The following ATP5F1A variants were observed in gnomAD, a reference collection of about 807,000 sequenced individuals.
ATP5F1A encodes the protein ATP synthase F(1) complex subunit alpha, mitochondrial.
ATP5F1A carries 24 observed loss-of-function variants against 57.4 expected under a neutral mutation model. That is an observed-to-expected ratio of 0.42 (90% CI 0.30 to 0.59). The LOEUF (loss-of-function observed/expected upper bound fraction) is 0.59, where lower values mean the gene tolerates loss of function less well. Among genes scored for constraint, ATP5F1A ranks in the 20% least tolerant of loss-of-function variants. The pLI, the probability that ATP5F1A is intolerant of heterozygous loss-of-function variation, is 0.19. For synonymous variants in ATP5F1A, 251 were observed against 255.5 expected (o/e 0.98, Z 0.17); for missense variants, 494 against 707.9 (o/e 0.70, Z 3.43).
At chr18:46,103,306 A>AT (rs1167438098) in intron 1 of ATP5F1A, among the ~76,000 whole-genome samples, 1 of 145,676 alleles carries the variant, frequency 6.9e-6, no homozygotes, top group Non-Finnish European at 1.5e-5. Context: ...GAAACACTCC[A>AT]TCTCAAAAAG....
intron 10 of ATP5F1A, chr18:46,085,211 CA>C (rs1191994419): frequency 6.8e-6 from 1 of 147,920 alleles, no homozygotes; most frequent in Non-Finnish European, 1.5e-5. Flanking sequence ...CACTTAAGGT[CA>C]GGGGTTCAAG....
chr18:46,096,809 C>T (rs1910992148), intron 1 of ATP5F1A, among the ~76,000 whole-genome samples: 2 of 151,118 alleles, frequency 1.3e-5, no homozygotes. Context: ...TGGTGAAACC[C>T]CGTCTCTACG....
intron 2 of ATP5F1A, 77 bp from the exon 3 acceptor site, chr18:46,091,928 T>G (rs1910584148): frequency 2.1e-6 from 3 of 1,422,620 alleles, no homozygotes; most frequent in Non-Finnish European, 2.8e-6. Flanking sequence ...ATCCCAGCAC[T>G]TTTGGAGGCT....
chr18:46,092,660 AT>A (rs1335370188), intron 2 of ATP5F1A, among the ~76,000 whole-genome samples: 1 of 151,338 alleles, frequency 6.6e-6, no homozygotes, highest in Non-Finnish European at 1.5e-5. Flanking sequence ...ACGAGATTCT[AT>A]TTTTAAAAGC....
chr18:46,087,282 A>G (rs544659932), intron 7 of ATP5F1A, 50 bp from the exon 8 acceptor site: 2 of 1,611,580 alleles, frequency 1.2e-6, no homozygotes, highest in African/African-American at 1.3e-5. Flanking sequence ...TAGAAGTTGC[A>G]TATGTGAACT....
chr18:46,089,704 C>A lies in ATP5F1A; in HGVS notation c.512G>T (p.Arg171Leu), dbSNP rs577318758. The A allele has an allele frequency of 6.2e-7, 1 of 1,614,068 alleles. No homozygotes were observed. The highest frequency in any genetic ancestry group is 1.1e-5 in the South Asian group (1 of 91,074). ...GATACCGGGGGCTTTCAGACCAACT[C>A]GCCTACGCGTCTTGGAACCAATTGG... ...KGPIGSKTRR[R>L]VGLKAPGIIP... is the part of the protein sequence containing the mutation. Residue 171 changes from arginine (R) to leucine (L), a missense_variant, in exon 5 of 12, where the codon CGA becomes CTA. Physicochemically the swap from Arg to Leu is moderately radical, Grantham distance 102. Coordinates refer to ENST00000398752, the MANE Select transcript of ATP5F1A (RefSeq NM_004046.6).
chr18:46,096,464 C>T (rs1910961332), intron 1 of ATP5F1A, among the ~76,000 whole-genome samples: 1 of 140,202 alleles, frequency 7.1e-6, no homozygotes, highest in East Asian at 2.1e-4. Context: ...CGCGCCACTG[C>T]ACTCCAGCCT....
exon 1 of ATP5F1A, chr18:46,104,139 G>C (rs1292117669): frequency 1.0e-5 from 4 of 389,788 alleles, no homozygotes; most frequent in African/African-American, 6.2e-5. Flanking sequence ...AAAACAACCT[G>C]GTTCTAGGCG....
rs762145241 is a variant in ATP5F1A at position 46,098,105 on chromosome 18, G to C, written c.60+67C>G. 10 of 1,532,992 alleles carry C rather than the reference G, an allele frequency of 6.5e-6. No individual in the cohort carries two copies. In the Admixed American group the frequency reaches 1.0e-4, roughly 16 times the overall value. The allele number at this position is 1,532,992 out of a possible 1,614,324, so 95.0% of individuals were successfully genotyped here. On this transcript the variant is annotated intron_variant, in intron 1 of 11. Coordinates refer to ENST00000398752, the MANE Select transcript of ATP5F1A (RefSeq NM_004046.6). Reference sequence around the variant, plus strand: ...CCTCGCCCTCCTGCAGAGAGCGCCCGAGCCGGCGCACCACCACCCTGCAGC... The same window carrying C: ...CCTCGCCCTCCTGCAGAGAGCGCCCCAGCCGGCGCACCACCACCCTGCAGC...
In ATP5F1A at chr18:46,095,079, G is replaced by C. The variant is rs1324574272; in HGVS notation, c.113C>G (p.Ala38Gly). The part of the protein sequence containing the change: ...SSFIAARNFH[A>G]SNTHLQKTGT... ...AGTCTTTTGAAGATGAGTGTTAGAG[G>C]CATGGAAGTTCCTTGCAGCAATGAA... is the stretch of plus-strand genomic sequence containing the variant. The change falls in exon 2 of 12, where the codon GCC becomes GGC. Residue 38 changes from alanine (A) to glycine (G), a missense_variant. Around this residue, in one of 6 missense-constraint regions of ATP5F1A, gnomAD observed 142 missense variants for 137.5 expected, o/e 1.03. Coordinates refer to ENST00000398752, the MANE Select transcript of ATP5F1A (RefSeq NM_004046.6). 5 of 1,613,452 alleles carry C rather than the reference G, an allele frequency of 3.1e-6. 1 individual carries two copies. In the South Asian group the frequency reaches 4.4e-5, roughly 14 times the overall value.
Position 46,086,376 on chromosome 18 carries a change from T to G in ATP5F1A, c.1284+11A>C, listed in dbSNP as rs1208011532. ...GATAGCCCCCTTACTGCCAAAGTGA[T>G]GCAAAATTACCTGCTTCATAGCCCT... On this transcript the variant is annotated intron_variant, in intron 9 of 11. Coordinates refer to ENST00000398752, the MANE Select transcript of ATP5F1A (RefSeq NM_004046.6). 1.2e-6 allele frequency: 2 copies of G among 1,613,890 alleles called. No homozygotes were observed. The highest frequency in any genetic ancestry group is 2.7e-5 in the African/African-American group (2 of 74,912).
upstream of ATP5F1A, among the ~76,000 whole-genome samples, chr18:46,102,162 A>G (rs1296625490): frequency 6.6e-6 from 1 of 150,636 alleles, no homozygotes; most frequent in Non-Finnish European, 1.5e-5. Flanking sequence ...CAACAGCACA[A>G]GACTCCCTCT....
chr18:46,094,383 C>A (rs1910792956), intron 2 of ATP5F1A, among the ~76,000 whole-genome samples: 1 of 152,016 alleles, frequency 6.6e-6, no homozygotes, highest in African/African-American at 2.4e-5. Context: ...TAAAACCTAT[C>A]AGTGGACCGG....
chr18:46,086,193 C>T lies in ATP5F1A; in HGVS notation c.1349G>A (p.Gly450Asp). Reference sequence around the variant, plus strand: ...TTGAGTGGCAGCATCGAGGTCAGAACCGAACTGGGCAAAAGCAGCAACCTC... The same window carrying T: ...TTGAGTGGCAGCATCGAGGTCAGAATCGAACTGGGCAAAAGCAGCAACCTC... Reference protein sequence around the residue: ...YREVAAFAQFGSDLDAATQQL... With the variant: ...YREVAAFAQFDSDLDAATQQL... The change falls in exon 10 of 12, where the codon GGT (glycine) becomes GAT (aspartate). Residue 450 changes from glycine (G) to aspartate (D), a missense_variant. Physicochemically the swap from Gly to Asp is moderately conservative, Grantham distance 94. This residue lies in a region of ATP5F1A where 127 missense variants were observed against 195.2 expected (regional missense o/e 0.65). Coordinates refer to ENST00000398752, the MANE Select transcript of ATP5F1A (RefSeq NM_004046.6). 6.2e-7 allele frequency: 1 copy of T among 1,612,674 alleles called. No homozygotes were observed. The highest frequency in any genetic ancestry group is 8.5e-7 in the Non-Finnish European group (1 of 1,180,028).
At position 46,091,838 on chromosome 18, in the gene ATP5F1A, C is replaced by T. The variant is rs779268481; in HGVS notation, c.153G>A (p.Met51Ile). 1.9e-6 allele frequency: 3 copies of T among 1,612,312 alleles called. 1 individual carries two copies. The highest frequency in any genetic ancestry group is 8.5e-7 in the Non-Finnish European group (1 of 1,179,594). The stretch of plus-strand genomic sequence containing the variant: ...GAATACGCTCTTCAAGAATAGAGGA[C>T]ATCTCAGCAGTCCCTATGGAAGACA... ...THLQKTGTAE[M>I]SSILEERILG... is the part of the protein sequence containing the mutation. The change falls in exon 3 of 12, where the codon ATG becomes ATA. Residue 51 changes from methionine (M) to isoleucine (I), a missense_variant. Transcript: ENST00000398752.
At position 46,084,188 on chromosome 18, in the gene ATP5F1A, A is replaced by G. The variant is rs1327546048; in HGVS notation, c.*94T>C. 6.0e-6 allele frequency: 6 copies of G among 997,758 alleles called. No individual in the cohort carries two copies. The highest frequency in any genetic ancestry group is 1.6e-5 in the African/African-American group (1 of 61,024). 61.8% of individuals were successfully genotyped at this position (997,758 alleles called of 1,614,324 possible). ...TTTATTTTTCATGTGATTTCTGTAC[A>G]TAAGGAGTATGAGAGTAACCCTTTT... is the stretch of plus-strand genomic sequence containing the variant. On this transcript the variant is annotated 3_prime_UTR_variant, in exon 12 of 12. Coordinates refer to ENST00000398752, the MANE Select transcript of ATP5F1A (RefSeq NM_004046.6).
Position 46,084,022 on chromosome 18 carries a change from G to GC in ATP5F1A, c.*259dup. 1 of 317,204 alleles carries GC rather than the reference G, an allele frequency of 3.2e-6. No individual in the cohort carries two copies. Among genetic ancestry groups the GC allele is most frequent in the East Asian group, 5.5e-5 (1 of 18,068 alleles). 19.6% of individuals were successfully genotyped at this position (317,204 alleles called of 1,614,324 possible). A position where few individuals can be genotyped will look rare whatever the true frequency, so the allele number is the denominator to read the frequency against. On this transcript the variant is annotated 3_prime_UTR_variant, in exon 12 of 12. Transcript: ENST00000398752. ...AAAAAAAAAACTTACAAAGAGCTCAGCCTTGAATTATCTAGCCCAGTTGAC... is the reference window on the plus strand; with the variant it reads ...AAAAAAAAAACTTACAAAGAGCTCAGCCCTTGAATTATCTAGCCCAGTTGAC...
chr18:46,092,763 TTAAAA>T (rs1910658921), intron 2 of ATP5F1A, among the ~76,000 whole-genome samples: 1 of 152,226 alleles, frequency 6.6e-6, no homozygotes, highest in East Asian at 1.9e-4. Flanking sequence ...AGTAAAACCC[TTAAAA>T]TAAATGTTCT....
intron 5 of ATP5F1A, 106 bp downstream of exon 5, chr18:46,089,460 T>C (rs1259785969): frequency 7.6e-7 from 1 of 1,315,090 alleles, no homozygotes; most frequent in Middle Eastern, 2.7e-4. Flanking sequence ...AATCCTCGTA[T>C]TAGATTCTAA....
Sources: gnomAD v4.1 joint callset for allele counts (sites outside exome capture counted in the v4.1 genomes callset) on GRCh38, gnomAD v4.1.1 for gene constraint, gnomAD v4.1.1 regional missense constraint, MANE v1.5 for transcripts, NCBI Gene and HGNC (gene_info 2026-07-23, HGNC 2026-07-21) for gene names.